The following KCNIP4 variants were observed in gnomAD, a reference collection of about 807,000 sequenced individuals.
The protein encoded by KCNIP4 is Kv channel-interacting protein 4.
In KCNIP4, 12 loss-of-function variants were observed where a neutral mutation model predicts 34.0. The observed-to-expected ratio is 0.35, with a 90% confidence interval of 0.23 to 0.57. KCNIP4 has a LOEUF of 0.57. KCNIP4 is among the 20% of genes least tolerant of loss of function. The probability of loss-of-function intolerance (pLI) is 0.83; values close to 1 mark genes in which losing one functional copy is unlikely to be tolerated. For missense variants in KCNIP4, 238 were observed against 311.7 expected (o/e 0.76, Z 1.78); for synonymous variants, 124 against 102.2 (o/e 1.21, Z -1.29).
At chr4:21,413,138 C>T (rs1362511178) in intron 1 of KCNIP4, among the ~76,000 whole-genome samples, 3 of 152,138 alleles carry the variant, frequency 2.0e-5, no homozygotes, top group Non-Finnish European at 2.9e-5. Context: ...GACTAACCAT[C>T]ATATTTTTAT....
chr4:20,894,673 G>A (rs1726306529), intron 1 of KCNIP4, among the ~76,000 whole-genome samples: 1 of 152,186 alleles, frequency 6.6e-6, no homozygotes, highest in African/African-American at 2.4e-5. Flanking sequence ...ATCATATAAT[G>A]TTTTATTCAA....
At chr4:21,336,247 T>C (rs904529048) in intron 1 of KCNIP4, among the ~76,000 whole-genome samples, 1 of 152,148 alleles carries the variant, frequency 6.6e-6, no homozygotes, top group Non-Finnish European at 1.5e-5. Context: ...CCTATTGATA[T>C]ATATTTAGAT....
intron 1 of KCNIP4, among the ~76,000 whole-genome samples, chr4:20,982,379 C>A (rs534206377): frequency 1.3e-5 from 2 of 152,208 alleles, no homozygotes; most frequent in East Asian, 3.9e-4. Context: ...TATTAAGACA[C>A]CAGCATTTAG....
rs141815631 is a variant in KCNIP4, at chr4:21,018,640, A to G, written c.62-135931T>C. Reference sequence around the variant, plus strand: ...ACGGTGGTCTAGATCACTTCCACCAACTTCCCTTCCCCCTCTCCTTCACTT... The same window carrying G: ...ACGGTGGTCTAGATCACTTCCACCAGCTTCCCTTCCCCCTCTCCTTCACTT... On this transcript the variant is annotated intron_variant, in intron 1 of 8. Transcript: ENST00000382152. 2.3e-3 allele frequency among the ~76,000 whole-genome samples: 351 copies of G among 152,080 alleles called. 1 individual carries two copies. Among genetic ancestry groups the G allele is most frequent in the African/African-American group, 8.0e-3 (332 of 41,460 alleles).
chr4:21,848,459 C>T (rs1321043153), intron 1 of KCNIP4: 1 of 152,054 alleles, frequency 6.6e-6, no homozygotes, highest in Non-Finnish European at 1.5e-5. Context: ...ACATTAACAC[C>T]TTTCTCATGG....
chr4:20,867,054 A>C lies in KCNIP4; in HGVS notation c.163+15554T>G, dbSNP rs74318017. Among the ~76,000 whole-genome samples the C allele has an allele frequency of 9.1e-3, 1,392 of 152,214 alleles. 15 individuals carry two copies. Among genetic ancestry groups the C allele is most frequent in the East Asian group, 0.061 (316 of 5,176 alleles). Reference sequence around the variant, plus strand: ...CATTTCATTCTTGTAGACTGAAAGAATCAGTGTTATAAAAATGGCCATACT... The same window carrying C: ...CATTTCATTCTTGTAGACTGAAAGACTCAGTGTTATAAAAATGGCCATACT... On this transcript the variant is annotated intron_variant, in intron 2 of 8. Transcript: ENST00000382152.
intron 1 of KCNIP4, among the ~76,000 whole-genome samples, chr4:21,500,310 G>A (rs984988132): frequency 1.3e-5 from 2 of 151,902 alleles, no homozygotes; most frequent in African/African-American, 4.8e-5. Context: ...CTTAAAACTG[G>A]GTTTTTATAG....
intron 1 of KCNIP4, among the ~76,000 whole-genome samples, chr4:21,702,987 C>A (rs1577873815): frequency 1.3e-5 from 1 of 76,376 alleles, no homozygotes; most frequent in African/African-American, 1.2e-4. Context: ...ATCAGGCCCC[C>A]CACAAAAAAA....
At chr4:21,432,091 C>CATGCATATATATAT (rs1726515092) in intron 1 of KCNIP4, among the ~76,000 whole-genome samples, 1 of 36,382 alleles carries the variant, frequency 2.7e-5, no homozygotes, top group South Asian at 2.0e-3. Flanking sequence ...AAAATGGAAG[C>CATGCATATATATAT]ATATATATAT....
At chr4:20,827,906 G>T (rs796508311) in intron 3 of KCNIP4, among the ~76,000 whole-genome samples, 5 of 149,780 alleles carry the variant, frequency 3.3e-5, no homozygotes, top group African/African-American at 1.2e-4. Context: ...CAGCTAGTGA[G>T]ACTGTGCTAC....
chr4:21,343,321 T>A (rs904046141), intron 1 of KCNIP4, among the ~76,000 whole-genome samples: 2 of 151,984 alleles, frequency 1.3e-5, no homozygotes, highest in African/African-American at 4.8e-5. Context: ...TTTAGGTAGA[T>A]ACTACTTAAA....
intron 1 of KCNIP4, among the ~76,000 whole-genome samples, chr4:21,522,973 G>A (rs1018133283): frequency 1.3e-5 from 2 of 151,826 alleles, no homozygotes; most frequent in Admixed American, 1.3e-4. Flanking sequence ...AGGAGATGGG[G>A]TCTTTAGGAG....
intron 1 of KCNIP4, among the ~76,000 whole-genome samples, chr4:21,710,607 T>G (rs1037014267): frequency 2.0e-5 from 3 of 152,116 alleles, no homozygotes; most frequent in Non-Finnish European, 4.4e-5. Flanking sequence ...TTCGGCCCCA[T>G]GTGAACTCTG....
At chr4:20,835,188 C>T (rs1288694335) in intron 3 of KCNIP4, among the ~76,000 whole-genome samples, 1 of 152,192 alleles carries the variant, frequency 6.6e-6, no homozygotes, top group African/African-American at 2.4e-5. Flanking sequence ...TGTGATACCA[C>T]ATCCTCCTGG....
At chr4:21,638,132 C>A (rs1746354598) in intron 1 of KCNIP4, among the ~76,000 whole-genome samples, 1 of 152,108 alleles carries the variant, frequency 6.6e-6, no homozygotes, top group African/African-American at 2.4e-5. Flanking sequence ...ACTTCAATTG[C>A]TGAAGGAAAT....
chr4:21,005,743 T>C (rs1376964829), intron 1 of KCNIP4, among the ~76,000 whole-genome samples: 1 of 152,154 alleles, frequency 6.6e-6, no homozygotes. Flanking sequence ...GGAATGCTTA[T>C]ATAGTTTGAA....
chr4:21,757,417 T>C (rs1717740955), intron 1 of KCNIP4, among the ~76,000 whole-genome samples: 1 of 152,158 alleles, frequency 6.6e-6, no homozygotes, highest in South Asian at 2.1e-4. Flanking sequence ...TAAATAATGA[T>C]CAAGTATCTA....
At chr4:21,021,647 A>G (rs1483972283) in intron 1 of KCNIP4, among the ~76,000 whole-genome samples, 1 of 152,160 alleles carries the variant, frequency 6.6e-6, no homozygotes, top group African/African-American at 2.4e-5. Context: ...GGCCAGGATC[A>G]TCAATATCAC....
intron 1 of KCNIP4, among the ~76,000 whole-genome samples, chr4:21,567,083 C>A (rs1027704671): frequency 6.6e-5 from 10 of 152,094 alleles, no homozygotes; most frequent in African/African-American, 1.9e-4. Context: ...CAATTATGAA[C>A]AACCAGCATT....
Sources: gnomAD v4.1 joint callset for allele counts (sites outside exome capture counted in the v4.1 genomes callset) on GRCh38, gnomAD v4.1.1 for gene constraint, MANE v1.5 for transcripts, NCBI Gene and HGNC (gene_info 2026-07-23, HGNC 2026-07-21) for gene names.